ICMT: variants seen among roughly 807,000 people sequenced by gnomAD.
The protein encoded by ICMT is isoprenylcysteine carboxyl methyltransferase.
In ICMT, 10 loss-of-function variants were observed where a neutral mutation model predicts 32.2. That is an observed-to-expected ratio of 0.31 (90% confidence interval 0.19 to 0.53). The LOEUF is 0.53. Ranked by LOEUF, ICMT falls within the 20% of genes least tolerant of loss-of-function variation. The probability of loss-of-function intolerance (pLI) is 0.96; values close to 1 mark genes in which losing one functional copy is unlikely to be tolerated. For synonymous variants in ICMT, 183 were observed against 158.2 expected (o/e 1.16, Z -1.18); for missense variants, 265 against 356.9 (o/e 0.74, Z 2.07).
chr1:6,229,892 G>A (rs983280936), intron 4 of ICMT, among the ~76,000 whole-genome samples: 31 of 151,780 alleles, frequency 2.0e-4, no homozygotes, highest in African/African-American at 7.5e-4. Context: ...TTTTGAGACA[G>A]ATTCTTGCTG....
At chr1:6,231,765 C>A (rs1668741041) in intron 4 of ICMT, 137 bp downstream of exon 4, 2 of 586,532 alleles carry the variant, frequency 3.4e-6, no homozygotes, top group African/African-American at 1.9e-5. Context: ...TTAAAGGAGA[C>A]CAACAACCTC....
chr1:6,229,449 G>A (rs1668696823), intron 4 of ICMT, among the ~76,000 whole-genome samples: 2 of 152,202 alleles, frequency 1.3e-5, no homozygotes, highest in South Asian at 4.1e-4. Context: ...TTGCACTCCA[G>A]CCTGGGCAAC....
In ICMT at chr1:6,234,872, G is replaced by A. The variant is rs1056872779; in HGVS notation, c.284+14C>T. 4 of 1,596,622 alleles carry A rather than the reference G, an allele frequency of 2.5e-6. No individual in the cohort carries two copies. Among genetic ancestry groups the A allele is most frequent in the Admixed American group, 1.7e-5 (1 of 59,998 alleles). On this transcript the variant is annotated intron_variant, in intron 2 of 4. Coordinates refer to ENST00000343813, the MANE Select transcript of ICMT (RefSeq NM_012405.4). ...CCCTCGCCTGAAAACCAGTATTTCC[G>A]AAGGAATTCTTACCAGCCAAAGTGA...
chr1:6,228,419 T>C (rs1168114786), intron 4 of ICMT, among the ~76,000 whole-genome samples: 2 of 151,212 alleles, frequency 1.3e-5, no homozygotes, highest in South Asian at 2.1e-4. Flanking sequence ...CTCGGCTCAC[T>C]GCAAGCTCCG....
intron 4 of ICMT, among the ~76,000 whole-genome samples, chr1:6,229,385 G>A (rs1668695516): frequency 6.6e-6 from 1 of 152,116 alleles, no homozygotes; most frequent in African/African-American, 2.4e-5. Context: ...GGCTGAGGCA[G>A]GAGAATCGCT....
chr1:6,224,073 A>G lies in ICMT; in HGVS notation c.*1007T>C, dbSNP rs1450041881. 2 of 152,198 alleles carry G rather than the reference A, an allele frequency of 1.3e-5. No individual in the cohort carries two copies. The highest frequency in any genetic ancestry group is 4.8e-5 in the African/African-American group (2 of 41,448). 9.4% of individuals were successfully genotyped at this position (152,198 alleles called of 1,614,324 possible). A position where few individuals can be genotyped will look rare whatever the true frequency, so the allele number is the denominator to read the frequency against. ...TTGTATATGCTCAAATCCCTTTGGA[A>G]AACAGTTTGAAATGACATGAGGGAC... On this transcript the variant is annotated 3_prime_UTR_variant, in exon 5 of 5. Transcript: ENST00000343813.
Position 6,225,064 on chromosome 1 carries a change from C to G in ICMT, c.*16G>C. Reference sequence around the variant, plus strand: ...CACAGGGTCGGAGGCCCCAAGGTCACCGGGGCCACTGCCCGTCACAGGTCC... The same window carrying G: ...CACAGGGTCGGAGGCCCCAAGGTCAGCGGGGCCACTGCCCGTCACAGGTCC... On this transcript the variant is annotated 3_prime_UTR_variant, in exon 5 of 5. Transcript: ENST00000343813. 1 of 1,606,348 alleles carries G rather than the reference C, an allele frequency of 6.2e-7. No homozygotes were observed. Among genetic ancestry groups the G allele is most frequent in the Non-Finnish European group, 8.5e-7 (1 of 1,175,420 alleles).
At position 6,235,702 on chromosome 1, in the gene ICMT, C is replaced by CCCGCCGGCCT; in HGVS notation, c.195+5_195+14dup. 1 of 1,185,916 alleles carries CCCGCCGGCCT rather than the reference C, an allele frequency of 8.4e-7. No homozygotes were observed. 73.5% of individuals were successfully genotyped at this position (1,185,916 alleles called of 1,614,324 possible). A position where few individuals can be genotyped will look rare whatever the true frequency, so the allele number is the denominator to read the frequency against. ...CCCGCCCCGCCGGCCCCCGCCGGCCCCCGCCGGCCTGCACCTGGTAGCGAG... is the reference window on the plus strand; with the variant it reads ...CCCGCCCCGCCGGCCCCCGCCGGCCCCCGCCGGCCTCCGCCGGCCTGCACCTGGTAGCGAG... On this transcript the variant is annotated intron_variant, in intron 1 of 4. Transcript: ENST00000343813.
intron 4 of ICMT, among the ~76,000 whole-genome samples, chr1:6,226,732 G>C (rs1313889431): frequency 6.6e-6 from 1 of 151,812 alleles, no homozygotes; most frequent in Admixed American, 6.6e-5. Context: ...TCCCCACTTT[G>C]TTTTTTTTAA....
chr1:6,226,892 G>C (rs1157953437), intron 4 of ICMT, among the ~76,000 whole-genome samples: 1 of 152,164 alleles, frequency 6.6e-6, no homozygotes, highest in Non-Finnish European at 1.5e-5. Flanking sequence ...ACTTTAACAT[G>C]AGAGGAGAAG....
At chr1:6,228,404 G>C (rs905158245) in intron 4 of ICMT, among the ~76,000 whole-genome samples, 1 of 150,704 alleles carries the variant, frequency 6.6e-6, no homozygotes, top group African/African-American at 2.4e-5. Flanking sequence ...GTACGGTGGC[G>C]CGATCTCGGC....
chr1:6,235,839 C>T lies in ICMT; in HGVS notation c.73G>A (p.Ala25Thr). Reference sequence around the variant, plus strand: ...AGCAGCGGCAGCGCGAGCACCGAGGCGCCCAGCAGGAAGGTGGCGAGGCTG... The same window carrying T: ...AGCAGCGGCAGCGCGAGCACCGAGGTGCCCAGCAGGAAGGTGGCGAGGCTG... ...RLSLATFLLG[A>T]SVLALPLLTR... is the part of the protein sequence containing the mutation. Residue 25 changes from alanine to threonine, a missense_variant, in exon 1 of 5, where the codon GCC becomes ACC. This residue lies in a region of ICMT where 99 missense variants were observed against 92.6 expected (regional missense o/e 1.07). Transcript: ENST00000343813. The T allele has an allele frequency of 7.8e-7, 1 of 1,283,284 alleles. No homozygotes were observed. The allele number at this position is 1,283,284 out of a possible 1,614,324, so 79.5% of individuals were successfully genotyped here.
Position 6,222,749 on chromosome 1 carries a change from G to C in ICMT, c.*2331C>G, listed in dbSNP as rs565627158. The stretch of plus-strand genomic sequence containing the variant: ...CCAGCAGCTGCCAACAGCTGCCCTA[G>C]ACCTATCAACAAGACAACTTCATGG... On this transcript the variant is annotated 3_prime_UTR_variant, in exon 5 of 5. Transcript: ENST00000343813. 9 of 152,390 alleles carry C rather than the reference G, an allele frequency of 5.9e-5. No individual in the cohort carries two copies. The highest frequency in any genetic ancestry group is 2.2e-4 in the African/African-American group (9 of 41,574). The allele number at this position is 152,390 out of a possible 1,614,324, so 9.4% of individuals were successfully genotyped here.
intron 4 of ICMT, among the ~76,000 whole-genome samples, chr1:6,226,485 C>A (rs549102356): frequency 6.6e-6 from 1 of 152,288 alleles, no homozygotes; most frequent in South Asian, 2.1e-4. Flanking sequence ...GAACCACTCA[C>A]CTACACCTGC....
At chr1:6,228,032 G>C (rs1325258922) in intron 4 of ICMT, among the ~76,000 whole-genome samples, 1 of 152,162 alleles carries the variant, frequency 6.6e-6, no homozygotes, top group Non-Finnish European at 1.5e-5. Flanking sequence ...GGGCATGGTG[G>C]TGCACACTTA....
intron 4 of ICMT, among the ~76,000 whole-genome samples, chr1:6,230,287 G>T (rs1668712952): frequency 6.6e-6 from 1 of 152,094 alleles, no homozygotes; most frequent in African/African-American, 2.4e-5. Flanking sequence ...ACTAATTTTT[G>T]TATTTTTAAT....
At position 6,222,000 on chromosome 1, in the gene ICMT, A is replaced by G. The variant is rs1414662365; in HGVS notation, c.*3080T>C. On this transcript the variant is annotated 3_prime_UTR_variant, in exon 5 of 5. Transcript: ENST00000343813. ...GATGTGGCCTTGGCAGCAAATACCCAGAAAGCCTTTACCTCATTAACCTGA... is the reference window on the plus strand; with the variant it reads ...GATGTGGCCTTGGCAGCAAATACCCGGAAAGCCTTTACCTCATTAACCTGA... The G allele has an allele frequency of 1.3e-5, 2 of 152,262 alleles. No homozygotes were observed. Among genetic ancestry groups the G allele is most frequent in the African/African-American group, 4.8e-5 (2 of 41,466 alleles). 9.4% of individuals were successfully genotyped at this position (152,262 alleles called of 1,614,324 possible).
intron 2 of ICMT, chr1:6,234,543 GAAGAC>G (rs1271357553): frequency 2.0e-6 from 1 of 487,936 alleles, no homozygotes; most frequent in Non-Finnish European, 4.0e-6. Context: ...AAAGGCCCAT[GAAGAC>G]AAGCCAGAGC....
chr1:6,235,738 G>A lies in ICMT; in HGVS notation c.174C>T (p.Leu58=), dbSNP rs1232382511. The change falls in exon 1 of 5, where the codon CTC becomes CTT. Residue 58 remains leucine (L), a synonymous_variant. Coordinates refer to ENST00000343813, the MANE Select transcript of ICMT (RefSeq NM_012405.4). Reference sequence around the variant, plus strand: ...GCACCTGGTAGCGAGGCGGCCGATAGAGCAGCAGCAGCAGCGCGTTGAGCC... The same window carrying A: ...GCACCTGGTAGCGAGGCGGCCGATAAAGCAGCAGCAGCAGCGCGTTGAGCC... The part of the protein sequence containing the change: ...VAGLNALLLL[L]YRPPRYQIAI... 1.5e-6 allele frequency: 2 copies of A among 1,322,418 alleles called. No homozygotes were observed. The highest frequency in any genetic ancestry group is 1.9e-6 in the Non-Finnish European group (2 of 1,026,594). 81.9% of individuals were successfully genotyped at this position (1,322,418 alleles called of 1,614,324 possible). A position where few individuals can be genotyped will look rare whatever the true frequency, so the allele number is the denominator to read the frequency against.
Sources: gnomAD v4.1 joint callset for allele counts (sites outside exome capture counted in the v4.1 genomes callset) on GRCh38, gnomAD v4.1.1 for gene constraint, gnomAD v4.1.1 regional missense constraint, MANE v1.5 for transcripts, NCBI Gene and HGNC (gene_info 2026-07-23, HGNC 2026-07-21) for gene names.